TRPC4: variants seen among roughly 807,000 people sequenced by gnomAD.
TRPC4 encodes transient receptor potential cation channel subfamily C member 4, also known as short transient receptor potential channel 4.
In TRPC4, 49 loss-of-function variants were observed where a neutral mutation model predicts 99.4. The observed-to-expected ratio is 0.49, with a 90% CI of 0.39 to 0.63. TRPC4 has a LOEUF of 0.63. Ranked by LOEUF, TRPC4 falls within the 20% of genes least tolerant of loss-of-function variation. TRPC4 has a pLI of 0.00. For synonymous variants in TRPC4, 454 were observed against 425.9 expected (o/e 1.07, Z -0.81); for missense variants, 898 against 1,152.9 (o/e 0.78, Z 3.20).
chr13:37,744,276 T>A (rs1229355506), intron 3 of TRPC4, among the ~76,000 whole-genome samples: 1 of 152,198 alleles, frequency 6.6e-6, no homozygotes, highest in Non-Finnish European at 1.5e-5. Flanking sequence ...CTGCAATGAC[T>A]TCTTATCTTC....
At position 37,637,500 on chromosome 13, in the gene TRPC4, T is replaced by C. The variant is rs1452254935; in HGVS notation, c.2337A>G (p.Glu779=). ...TGCTATTACCTTCGCTATCACTCTT[T>C]TCATCTGAGTCTGCCGAATTTGAAG... ...KESSNSADSD[E]KSDSEGNSKD... is the part of the protein sequence containing the mutation. The change falls in exon 11 of 11, where the codon GAA becomes GAG. Residue 779 remains glutamate (E), a synonymous_variant. Coordinates refer to ENST00000379705, the MANE Select transcript of TRPC4 (RefSeq NM_016179.4). The C allele has an allele frequency of 6.2e-7, 1 of 1,613,806 alleles. No individual in the cohort carries two copies. The highest frequency in any genetic ancestry group is 1.1e-5 in the South Asian group (1 of 91,068).
chr13:37,674,291 C>T lies in TRPC4; in HGVS notation c.1311G>A (p.Met437Ile). The change falls in exon 5 of 11, where the codon ATG becomes ATA. Residue 437 changes from methionine to isoleucine, a missense_variant. Met to Ile is a conservative substitution (Grantham distance 10, BLOSUM62 1). This residue lies in a region of TRPC4 where 274 missense variants were observed against 454.9 expected (regional missense o/e 0.60). Transcript: ENST00000379705. The part of the protein sequence containing the change: ...QDYIHDWWNL[M>I]DFVMNSLYLA... The stretch of plus-strand genomic sequence containing the variant: ...AATATAAGGAGTTCATTACAAAGTC[C>T]ATTAGATTCCACCAATCATGGATGT... The T allele has an allele frequency of 6.2e-7, 1 of 1,607,320 alleles. No individual in the cohort carries two copies. The highest frequency in any genetic ancestry group is 8.5e-7 in the Non-Finnish European group (1 of 1,178,124).
chr13:37,789,685 CTT>C (rs59029228), intron 1 of TRPC4, among the ~76,000 whole-genome samples: 1 of 146,528 alleles, frequency 6.8e-6, no homozygotes, highest in Admixed American at 6.9e-5. Flanking sequence ...TACTTTATTT[CTT>C]TTTTTTTTTT....
At position 37,831,169 on chromosome 13, in the gene TRPC4, ATTGC is replaced by A. The variant is rs1772258784; in HGVS notation, c.-28+38422_-28+38425del. On this transcript the variant is annotated intron_variant, in intron 1 of 10. Coordinates refer to ENST00000379705, the MANE Select transcript of TRPC4 (RefSeq NM_016179.4). ...CTTTTGGGGTCATATTCAAGAAATCATTGCCCAGACATTCAATAATAGGAAAACA... is the reference window on the plus strand; with the variant it reads ...CTTTTGGGGTCATATTCAAGAAATCACCAGACATTCAATAATAGGAAAACA... Among the ~76,000 whole-genome samples the A allele has an allele frequency of 2.0e-5, 3 of 152,070 alleles. No homozygotes were observed. In the South Asian group the frequency reaches 6.2e-4, roughly 31 times the overall value.
intron 8 of TRPC4, 112 bp downstream of exon 8, chr13:37,651,153 G>T: frequency 8.6e-7 from 1 of 1,161,838 alleles, no homozygotes; most frequent in Middle Eastern, 2.9e-4. Flanking sequence ...TTCATGACAT[G>T]CAATCAGTAA....
intron 1 of TRPC4, among the ~76,000 whole-genome samples, chr13:37,784,749 TTAA>T (rs1956929096): frequency 6.6e-6 from 1 of 152,080 alleles, no homozygotes; most frequent in Admixed American, 6.6e-5. Flanking sequence ...ATGATTATAT[TTAA>T]TAATATTTTT....
intron 1 of TRPC4, among the ~76,000 whole-genome samples, chr13:37,806,869 A>G (rs1234001793): frequency 6.6e-6 from 1 of 151,992 alleles, no homozygotes; most frequent in Non-Finnish European, 1.5e-5. Flanking sequence ...ACTGCTCCAC[A>G]GTGGGCGCTG....
chr13:37,755,457 A>G (rs1312678034), intron 2 of TRPC4, among the ~76,000 whole-genome samples: 1 of 151,640 alleles, frequency 6.6e-6, no homozygotes, highest in Non-Finnish European at 1.5e-5. Flanking sequence ...TTTTTAGTAG[A>G]GACAGGGTCT....
chr13:37,640,890 A>G (rs1189458855), intron 8 of TRPC4, among the ~76,000 whole-genome samples: 2 of 152,226 alleles, frequency 1.3e-5, no homozygotes, highest in Non-Finnish European at 2.9e-5. Flanking sequence ...AATTTAATAT[A>G]GAAAGAATTT....
In TRPC4 at chr13:37,663,425, G is replaced by A. The variant is rs1479847783; in HGVS notation, c.1679C>T (p.Ala560Val). The A allele has an allele frequency of 6.2e-7, 1 of 1,611,746 alleles. No homozygotes were observed. The highest frequency in any genetic ancestry group is 8.5e-7 in the Non-Finnish European group (1 of 1,178,822). Reference protein sequence around the residue: ...KGIRCEKQNNAFSTLFETLQS... With the variant: ...KGIRCEKQNNVFSTLFETLQS... ...TGTCTATTAGACTTACGTTGAAAAT[G>A]CATTATTCTGCTTTTCACATCTTAT... Residue 560 changes from alanine (A) to valine (V), a missense_variant, in exon 6 of 11, where the codon GCA (alanine) becomes GTA (valine). Around this residue, in one of 3 missense-constraint regions of TRPC4, gnomAD observed 274 missense variants for 454.9 expected, o/e 0.60. Coordinates refer to ENST00000379705, the MANE Select transcript of TRPC4 (RefSeq NM_016179.4).
chr13:37,766,534 T>A (rs1021808316), intron 2 of TRPC4, among the ~76,000 whole-genome samples: 3 of 151,380 alleles, frequency 2.0e-5, no homozygotes, highest in African/African-American at 7.3e-5. Context: ...ATGGATAATA[T>A]ATCCTGGTGA....
At chr13:37,734,468 G>T (rs953911762) in intron 3 of TRPC4, among the ~76,000 whole-genome samples, 1 of 152,056 alleles carries the variant, frequency 6.6e-6, no homozygotes. Flanking sequence ...TGTGGTGGGA[G>T]CTCCAATCCC....
intron 1 of TRPC4, among the ~76,000 whole-genome samples, chr13:37,815,858 C>T (rs1957838711): frequency 6.7e-6 from 1 of 150,246 alleles, no homozygotes; most frequent in Admixed American, 6.8e-5. Flanking sequence ...ACTGACAATC[C>T]AATTGTACCT....
chr13:37,707,160 A>C (rs1954308672), intron 3 of TRPC4, among the ~76,000 whole-genome samples: 1 of 152,178 alleles, frequency 6.6e-6, no homozygotes, highest in African/African-American at 2.4e-5. Context: ...ATACACATAT[A>C]AGAACTATCA....
At chr13:37,758,948 T>G (rs1456418748) in intron 2 of TRPC4, among the ~76,000 whole-genome samples, 2 of 151,654 alleles carry the variant, frequency 1.3e-5, no homozygotes, top group Non-Finnish European at 3.0e-5. Context: ...TTAGTACCAT[T>G]TCATTAGAAT....
intron 1 of TRPC4, among the ~76,000 whole-genome samples, chr13:37,830,043 T>G (rs7981562): frequency 0.032 from 4,927 of 152,274 alleles, 271 homozygotes; most frequent in African/African-American, 0.11. Flanking sequence ...GGGTTTCTTC[T>G]TGTGGTGACA....
chr13:37,866,414 T>C (rs1442901773), intron 1 of TRPC4, among the ~76,000 whole-genome samples: 2 of 151,764 alleles, frequency 1.3e-5, no homozygotes, highest in East Asian at 1.9e-4. Context: ...TTAAACAACT[T>C]TCAGGAGGGT....
intron 2 of TRPC4, among the ~76,000 whole-genome samples, chr13:37,770,626 A>C (rs1956524780): frequency 6.6e-6 from 1 of 151,616 alleles, no homozygotes; most frequent in African/African-American, 2.4e-5. Context: ...GGGGAATCAA[A>C]AGCTCTTCAG....
Position 37,831,050 on chromosome 13 carries a change from C to T in TRPC4, c.-28+38545G>A, listed in dbSNP as rs568895342. 4.6e-5 allele frequency among the ~76,000 whole-genome samples: 7 copies of T among 151,460 alleles called. No homozygotes were observed. The South Asian group carries it at 1.5e-3, about 31-fold the overall frequency. ...TTGCAAATATTTTCTCCCAATTTTG[C>T]CTTGTCTCTTCGCTCTGTTAGTTGT... On this transcript the variant is annotated intron_variant, in intron 1 of 10. Transcript: ENST00000379705.
Sources: gnomAD v4.1 joint callset for allele counts (sites outside exome capture counted in the v4.1 genomes callset) on GRCh38, gnomAD v4.1.1 for gene constraint, gnomAD v4.1.1 regional missense constraint, MANE v1.5 for transcripts, NCBI Gene and HGNC (gene_info 2026-07-23, HGNC 2026-07-21) for gene names.